GALNT15: variants seen among roughly 807,000 people sequenced by gnomAD.
GALNT15 encodes polypeptide N-acetylgalactosaminyltransferase 15.
A neutral mutation model predicts 66.8 loss-of-function variants in GALNT15; 67 were observed. That is an observed-to-expected ratio of 1.00 (90% CI 0.82 to 1.23). The LOEUF is 1.23. Ranked by LOEUF, GALNT15 falls within the 50% of genes most tolerant of loss-of-function variation. The pLI, the probability that GALNT15 is intolerant of heterozygous loss-of-function variation, is 0.00. For synonymous variants in GALNT15, 313 were observed against 311.5 expected (o/e 1.00, Z -0.05); for missense variants, 827 against 804.3 (o/e 1.03, Z -0.34).
rs554558712 is a variant in GALNT15 at position 16,198,443 on chromosome 3, C to T, written c.707-2176C>T. 2.8e-5 allele frequency among the ~76,000 whole-genome samples: 4 copies of T among 142,224 alleles called. No homozygotes were observed. The East Asian group carries it at 6.4e-4, about 23-fold the overall frequency. The allele number at this position is 142,224 out of a possible 152,430, so 93.3% of individuals were successfully genotyped here. A position where few individuals can be genotyped will look rare whatever the true frequency, so the allele number is the denominator to read the frequency against. On this transcript the variant is annotated intron_variant, in intron 2 of 9. Coordinates refer to ENST00000339732, the MANE Select transcript of GALNT15 (RefSeq NM_054110.5). ...TGCTGCCAGCAGTGACAGGAAGTCT[C>T]GAGAGATACGTGTTTTTAGCTGTCC...
chr3:16,237,042 C>T, the GALNT15 span, among the ~76,000 whole-genome samples: 178 of 152,322 alleles, frequency 1.2e-3, no homozygotes, highest in African/African-American at 4.0e-3. The surrounding 1 kb of genome is among the most constrained non-coding windows in gnomAD (Gnocchi z 4.2). Context: ...GCAAAGCACA[C>T]GCTCCCGCTA....
chr3:16,175,736 C>A lies in GALNT15; in HGVS notation c.539+46C>A, dbSNP rs1016163859. 4.7e-6 allele frequency: 7 copies of A among 1,492,046 alleles called. No individual in the cohort carries two copies. In the Admixed American group the frequency reaches 1.3e-4, roughly 29 times the overall value. The allele number at this position is 1,492,046 out of a possible 1,614,324, so 92.4% of individuals were successfully genotyped here. A position where few individuals can be genotyped will look rare whatever the true frequency, so the allele number is the denominator to read the frequency against. On this transcript the variant is annotated intron_variant, in intron 1 of 9. Coordinates refer to ENST00000339732, the MANE Select transcript of GALNT15 (RefSeq NM_054110.5). The surrounding 1 kb of genome is among the most constrained non-coding windows in gnomAD (Gnocchi z 5.6). ...CCCTTCCCTGATCCCAGGGCATGAT[C>A]GGGTGGTAGCAAACTCGGGAATGCA...
intron 8 of GALNT15, among the ~76,000 whole-genome samples, chr3:16,222,134 C>T (rs1190296958): frequency 1.3e-5 from 2 of 152,196 alleles, no homozygotes; most frequent in Non-Finnish European, 2.9e-5. Flanking sequence ...GTTAAAGCCC[C>T]TCTCAAAGGT....
intron 1 of GALNT15, among the ~76,000 whole-genome samples, chr3:16,190,377 G>A (rs1283083696): frequency 1.3e-5 from 2 of 152,202 alleles, no homozygotes; most frequent in Non-Finnish European, 2.9e-5. Context: ...GGTGGCTGAC[G>A]CCTGTAATCC....
chr3:16,174,730 A>T lies in GALNT15; in HGVS notation c.-422A>T, dbSNP rs2124826995. On this transcript the variant is annotated 5_prime_UTR_variant, in exon 1 of 10. Coordinates refer to ENST00000339732, the MANE Select transcript of GALNT15 (RefSeq NM_054110.5). The surrounding 1 kb of genome is among the most constrained non-coding windows in gnomAD (Gnocchi z 4.7). The stretch of plus-strand genomic sequence containing the variant: ...AAGCGTCCAAAGAGGGACGGCTGTC[A>T]GCCCTGCTTGACTGAGAACCCACCA... 5.6e-6 allele frequency: 1 copy of T among 179,418 alleles called. No individual in the cohort carries two copies. Among genetic ancestry groups the T allele is most frequent in the Non-Finnish European group, 1.2e-5 (1 of 83,958 alleles). 11.1% of individuals were successfully genotyped at this position (179,418 alleles called of 1,614,324 possible).
At chr3:16,223,097 G>A (rs181738093) in intron 9 of GALNT15, among the ~76,000 whole-genome samples, 50 of 152,230 alleles carry the variant, frequency 3.3e-4, no homozygotes, top group African/African-American at 1.2e-3. Flanking sequence ...AGCCACCTTG[G>A]TGGTGTGGTT....
chr3:16,214,602 G>C (rs746957438), intron 6 of GALNT15, among the ~76,000 whole-genome samples: 6 of 152,086 alleles, frequency 3.9e-5, no homozygotes, highest in Non-Finnish European at 7.4e-5. Flanking sequence ...CCCTGGGTGG[G>C]TCCTGCAGGG....
intron 6 of GALNT15, among the ~76,000 whole-genome samples, chr3:16,218,849 C>G (rs1193585469): frequency 1.6e-5 from 2 of 128,370 alleles, no homozygotes; most frequent in East Asian, 2.3e-4. Context: ...AAGTCTTGCT[C>G]TGTCGCCCAG....
chr3:16,183,532 G>C lies in GALNT15; in HGVS notation c.539+7842G>C, dbSNP rs1161620875. On this transcript the variant is annotated intron_variant, in intron 1 of 9. Coordinates refer to ENST00000339732, the MANE Select transcript of GALNT15 (RefSeq NM_054110.5). This position sits in a 1 kb window ranked among gnomAD's most constrained non-coding sequence, Gnocchi z 5.2. ...CAAGTTCAGTGTCTTTCTTCCTTCA[G>C]TGAACAAATAGCTATTGAACAACTA... Among the ~76,000 whole-genome samples, 3 of 152,196 alleles carry C rather than the reference G, an allele frequency of 2.0e-5. No homozygotes were observed. The East Asian group carries it at 5.8e-4, about 29-fold the overall frequency.
chr3:16,239,644 A>C, the GALNT15 span, among the ~76,000 whole-genome samples: 1 of 152,172 alleles, frequency 6.6e-6, no homozygotes, highest in Non-Finnish European at 1.5e-5. This position sits in a 1 kb window ranked among gnomAD's most constrained non-coding sequence, Gnocchi z 5.2. Context: ...TGGTGTTCTG[A>C]TTTCTTTTAC....
chr3:16,196,417 C>T (rs1039116769), intron 2 of GALNT15, among the ~76,000 whole-genome samples: 9 of 152,140 alleles, frequency 5.9e-5, no homozygotes, highest in African/African-American at 2.2e-4. Flanking sequence ...CCAGAGAAGA[C>T]AGCAGACTGG....
chr3:16,232,872 C>T (rs62233885), downstream of GALNT15, among the ~76,000 whole-genome samples: 14,535 of 151,612 alleles, frequency 0.096, 772 homozygotes, highest in Middle Eastern at 0.12. Flanking sequence ...GCGTGAGATT[C>T]TACATTCCTG....
In GALNT15 at chr3:16,184,195, GAC is replaced by G. The variant is rs2063496606; in HGVS notation, c.539+8509_539+8510del. On this transcript the variant is annotated intron_variant, in intron 1 of 9. Transcript: ENST00000339732. The surrounding 1 kb of genome is among the most constrained non-coding windows in gnomAD (Gnocchi z 5.0). ...GGGGTGGGGTTTTGGACACTTGAGT[GAC>G]ACATACAAACCGAGATAGTAAAATA... Among the ~76,000 whole-genome samples the G allele has an allele frequency of 6.6e-6, 1 of 152,146 alleles. No homozygotes were observed. The highest frequency in any genetic ancestry group is 2.4e-5 in the African/African-American group (1 of 41,422).
rs142567269 is a variant in GALNT15 at position 16,182,478 on chromosome 3, T to G, written c.539+6788T>G. On this transcript the variant is annotated intron_variant, in intron 1 of 9. Coordinates refer to ENST00000339732, the MANE Select transcript of GALNT15 (RefSeq NM_054110.5). This position sits in a 1 kb window ranked among gnomAD's most constrained non-coding sequence, Gnocchi z 6.1. The stretch of plus-strand genomic sequence containing the variant: ...GCTCAAGTCACTTAAGGTGATGGAG[T>G]TACTGCAAGTTTACACAGGAAGTAA... Among the ~76,000 whole-genome samples, 2 of 152,202 alleles carry G rather than the reference T, an allele frequency of 1.3e-5. No homozygotes were observed. Among genetic ancestry groups the G allele is most frequent in the East Asian group, 3.9e-4 (2 of 5,180 alleles).
downstream of GALNT15, among the ~76,000 whole-genome samples, chr3:16,236,884 A>G (rs1025537613): frequency 6.6e-6 from 1 of 152,192 alleles, no homozygotes; most frequent in Non-Finnish European, 1.5e-5. Context: ...CACAGCTGCA[A>G]TAAGAACATG....
At chr3:16,232,813 G>A (rs1448454062), downstream of GALNT15, among the ~76,000 whole-genome samples, 7 of 151,648 alleles carry the variant, frequency 4.6e-5, no homozygotes, top group Non-Finnish European at 8.8e-5. Context: ...CACAAATCAC[G>A]TGGGGACCAT....
chr3:16,233,094 C>CTTTTTTTTTTTTTTTTTTTTTATT (rs61516679), downstream of GALNT15, among the ~76,000 whole-genome samples: 1 of 61,208 alleles, frequency 1.6e-5, no homozygotes, highest in African/African-American at 6.6e-5. Context: ...GATAATGCAT[C>CTTTTTTTTTTTTTTTTTTTTTATT]TTTTTTTTTT....
At chr3:16,222,783 C>T in intron 9 of GALNT15, 25 bp downstream of exon 9, 1 of 1,611,518 alleles carries the variant, frequency 6.2e-7, no homozygotes. Context: ...CAGGAAGAGC[C>T]TGGTAGTGCT....
chr3:16,218,983 T>G (rs1451920182), intron 6 of GALNT15, among the ~76,000 whole-genome samples: 1 of 151,770 alleles, frequency 6.6e-6, no homozygotes, highest in Non-Finnish European at 1.5e-5. Flanking sequence ...CCTGGCTAAT[T>G]TTTTGTATTT....
Sources: allele counts gnomAD v4.1 joint callset (sites outside exome capture counted in the v4.1 genomes callset), GRCh38; gene constraint gnomAD v4.1.1; non-coding constraint Gnocchi (gnomAD v3.1); transcripts MANE v1.5; gene names NCBI Gene and HGNC (gene_info 2026-07-23, HGNC 2026-07-21).